The following SEMA3D variants were observed in gnomAD, a reference collection of about 807,000 sequenced individuals.
The protein encoded by SEMA3D is semaphorin 3D, also known as semaphorin-3D.
Under a neutral mutation model 100.1 loss-of-function variants are expected in SEMA3D, and 84 were observed. That is an observed-to-expected ratio of 0.84 (90% CI 0.70 to 1.01). SEMA3D has a LOEUF of 1.01. SEMA3D is among the 50% of genes least tolerant of loss of function. The pLI is 0.00. For synonymous variants in SEMA3D, 312 were observed against 320.7 expected, an observed-to-expected ratio of 0.97 and a Z score of 0.29; for missense variants, 875 against 934.1, an observed-to-expected ratio of 0.94 and a Z score of 0.82.
intron 6 of SEMA3D, among the ~76,000 whole-genome samples, chr7:85,070,895 C>A (rs1791753483): frequency 6.6e-6 from 1 of 152,172 alleles, no homozygotes; most frequent in Non-Finnish European, 1.5e-5. Flanking sequence ...ATTTTCTTGC[C>A]TCAGCCTTCA....
At chr7:85,020,416 C>T (rs1790222602) in intron 13 of SEMA3D, 95 bp from the exon 14 acceptor site, 1 of 792,350 alleles carries the variant, frequency 1.3e-6, no homozygotes, top group African/African-American at 1.7e-5. Flanking sequence ...CCCCTCACTT[C>T]TCTTTAAATG....
intron 3 of SEMA3D, among the ~76,000 whole-genome samples, chr7:85,112,842 C>A (rs1476340682): frequency 2.0e-5 from 3 of 152,144 alleles, no homozygotes; most frequent in African/African-American, 7.2e-5. Context: ...CTGTTTGTCT[C>A]CCTAACTGAA....
intron 3 of SEMA3D, among the ~76,000 whole-genome samples, chr7:85,101,926 A>AT (rs1032595685): frequency 6.6e-6 from 1 of 152,074 alleles, no homozygotes; most frequent in South Asian, 2.1e-4. Flanking sequence ...ACATCTCTGC[A>AT]TTTTTTATGA....
intron 15 of SEMA3D, among the ~76,000 whole-genome samples, chr7:85,017,663 G>A (rs1790142713): frequency 6.6e-6 from 1 of 151,682 alleles, no homozygotes; most frequent in Non-Finnish European, 1.5e-5. Flanking sequence ...ATATCAGAGA[G>A]TTATGAAATA....
the SEMA3D span, among the ~76,000 whole-genome samples, chr7:85,246,069 C>T: frequency 4.9e-3 from 743 of 152,128 alleles, 10 homozygotes; most frequent in African/African-American, 0.017. Context: ...TATTTGTCTC[C>T]ATGACAATGT....
intron 3 of SEMA3D, among the ~76,000 whole-genome samples, chr7:85,113,454 T>C (rs944883756): frequency 2.0e-5 from 3 of 151,882 alleles, no homozygotes; most frequent in South Asian, 2.1e-4. Flanking sequence ...TACAACTCTA[T>C]TGTTGTTTAA....
At chr7:85,064,514 T>C (rs1292473577) in intron 8 of SEMA3D, among the ~76,000 whole-genome samples, 1 of 152,208 alleles carries the variant, frequency 6.6e-6, no homozygotes, top group Non-Finnish European at 1.5e-5. Context: ...AAAGTGTTTT[T>C]CCTTTTGTTT....
chr7:85,151,677 T>C (rs1192551642), intron 2 of SEMA3D: 1 of 983,024 alleles, frequency 1.0e-6, no homozygotes, highest in Non-Finnish European at 1.2e-6. Context: ...TTTAGTACTA[T>C]TTCTTTCATA....
chr7:85,009,505 C>T (rs1789893262), intron 17 of SEMA3D, among the ~76,000 whole-genome samples: 2 of 151,756 alleles, frequency 1.3e-5, no homozygotes, highest in East Asian at 1.9e-4. Flanking sequence ...AATCTCTACT[C>T]TAACTCCCAC....
Position 85,049,509 on chromosome 7 carries a change from TA to T in SEMA3D, c.861+6207del, listed in dbSNP as rs201275783. 5.6e-3 allele frequency among the ~76,000 whole-genome samples: 812 copies of T among 143,746 alleles called. 2 individuals are homozygous for T. Among genetic ancestry groups the T allele is most frequent in the African/African-American group, 0.014 (565 of 39,608 alleles). The allele number at this position is 143,746 out of a possible 152,430, so 94.3% of individuals were successfully genotyped here. A position where few individuals can be genotyped will look rare whatever the true frequency, so the allele number is the denominator to read the frequency against. On this transcript the variant is annotated intron_variant, in intron 9 of 18. Coordinates refer to ENST00000284136, the MANE Select transcript of SEMA3D (RefSeq NM_001384900.1). ...CAGGTAGAATCAGAGTTCATTCAAT[TA>T]AAAAAAAAAAGCTGTAGCAAACAGT...
At chr7:85,184,926 C>G (rs1273988830) in intron 1 of SEMA3D, among the ~76,000 whole-genome samples, 1 of 152,196 alleles carries the variant, frequency 6.6e-6, no homozygotes, top group African/African-American at 2.4e-5. Context: ...TGGGGCTGAT[C>G]ACTCCCAACC....
intron 1 of SEMA3D, among the ~76,000 whole-genome samples, chr7:85,173,991 G>T (rs1412582396): frequency 6.6e-6 from 1 of 152,154 alleles, no homozygotes; most frequent in Non-Finnish European, 1.5e-5. Flanking sequence ...CTGAAATATT[G>T]AGTAATCAGG....
At chr7:85,088,128 T>A (rs904092252) in intron 4 of SEMA3D, among the ~76,000 whole-genome samples, 1 of 152,234 alleles carries the variant, frequency 6.6e-6, no homozygotes, top group Non-Finnish European at 1.5e-5. Flanking sequence ...TAGAAGGGAC[T>A]CATAAAATAT....
chr7:85,134,576 C>G (rs1488124536), intron 2 of SEMA3D, among the ~76,000 whole-genome samples: 1 of 152,110 alleles, frequency 6.6e-6, no homozygotes, highest in East Asian at 1.9e-4. Context: ...CAAGCATAAT[C>G]TCCAACTACC....
At position 85,121,840 on chromosome 7, in the gene SEMA3D, G is replaced by A. The variant is rs1789424555; in HGVS notation, c.52C>T (p.Leu18Phe). 2 of 1,606,998 alleles carry A rather than the reference G, an allele frequency of 1.2e-6. No homozygotes were observed. The highest frequency in any genetic ancestry group is 1.7e-5 in the Admixed American group (1 of 59,328). The change falls in exon 3 of 19, where the codon CTT becomes TTT. Residue 18 changes from leucine (L) to phenylalanine (F), a missense_variant. Transcript: ENST00000284136. ...RLKARSQDFH[L>F]FPALMMLSMT... The stretch of plus-strand genomic sequence containing the variant: ...CTTAGCATCATCAAAGCAGGAAAAA[G>A]GTGAAAATCTTGGCTTCTGGCTTTA...
At chr7:85,226,202 A>G in the SEMA3D span, among the ~76,000 whole-genome samples, 2 of 152,108 alleles carry the variant, frequency 1.3e-5, no homozygotes, top group Non-Finnish European at 2.9e-5. Flanking sequence ...TTGAATTTAT[A>G]TGACACTTCG....
In SEMA3D at chr7:85,040,791, T is replaced by C. The variant is rs1436340719; in HGVS notation, c.977-49A>G. On this transcript the variant is annotated intron_variant, in intron 10 of 18. Coordinates refer to ENST00000284136, the MANE Select transcript of SEMA3D (RefSeq NM_001384900.1). ...TTTACTCTTATTTTTCAGTATTACA[T>C]TGCTTTTTTGTTAATAACACAACTG... is the stretch of plus-strand genomic sequence containing the variant. 9 of 862,932 alleles carry C rather than the reference T, an allele frequency of 1.0e-5. No homozygotes were observed. The African/African-American group carries it at 1.4e-4, about 13-fold the overall frequency. The allele number at this position is 862,932 out of a possible 1,614,324, so 53.5% of individuals were successfully genotyped here.
chr7:85,197,820 T>A, the SEMA3D span, among the ~76,000 whole-genome samples: 2 of 152,178 alleles, frequency 1.3e-5, no homozygotes, highest in African/African-American at 2.4e-5. Flanking sequence ...ACAATAATGT[T>A]CATGGCAACA....
At chr7:85,110,382 T>C (rs1789059303) in intron 3 of SEMA3D, among the ~76,000 whole-genome samples, 1 of 151,972 alleles carries the variant, frequency 6.6e-6, no homozygotes, top group Non-Finnish European at 1.5e-5. Flanking sequence ...TTTTAAATTA[T>C]CTACTTATGT....
Sources: allele counts gnomAD v4.1 joint callset (sites outside exome capture counted in the v4.1 genomes callset), GRCh38; gene constraint gnomAD v4.1.1; transcripts MANE v1.5; gene names NCBI Gene and HGNC (gene_info 2026-07-23, HGNC 2026-07-21).